Variants in MRPL45 observed in about 807,000 individuals in gnomAD.
MRPL45 encodes the protein mitochondrial ribosomal protein L45.
Under a neutral mutation model 38.1 loss-of-function variants are expected in MRPL45, and 20 were observed. That is an observed-to-expected ratio of 0.53 (90% confidence interval 0.37 to 0.76). The LOEUF (loss-of-function observed/expected upper bound fraction) is 0.76, where lower values mean the gene tolerates loss of function less well. MRPL45 is among the 30% of genes least tolerant of loss of function. The pLI is 0.00. For missense variants in MRPL45, 337 were observed against 395.6 expected (o/e 0.85, Z 1.26); for synonymous variants, 105 against 128.8 (o/e 0.82, Z 1.25).
intron 3 of MRPL45, among the ~76,000 whole-genome samples, chr17:38,300,953 AAAT>A (rs1013160709): frequency 1.3e-5 from 2 of 152,242 alleles, no homozygotes; most frequent in African/African-American, 4.8e-5. Context: ...TCTCAAAAAA[AAAT>A]AATAATAAAA....
intron 4 of MRPL45, among the ~76,000 whole-genome samples, chr17:38,311,428 C>T (rs1464995650): frequency 3.3e-5 from 5 of 152,080 alleles, no homozygotes; most frequent in Admixed American, 3.3e-4. Flanking sequence ...TGGTTCACGC[C>T]TATAATCCCA....
Position 38,307,214 on chromosome 17 carries a change from T to G in MRPL45, c.461+583T>G, listed in dbSNP as rs529466156. ...ACATCCAGCTAATTTTTTTGTATTT[T>G]TAGTAGAGACGGGGTTTCATCATGT... On this transcript the variant is annotated intron_variant, in intron 4 of 7. Transcript: ENST00000613675. 7.2e-5 allele frequency among the ~76,000 whole-genome samples: 11 copies of G among 152,128 alleles called. 1 individual carries two copies. In the South Asian group the frequency reaches 2.1e-3, roughly 29 times the overall value.
chr17:38,297,347 A>G, intron 1 of MRPL45, 98 bp downstream of exon 1: 1 of 1,181,856 alleles, frequency 8.5e-7, no homozygotes, highest in Non-Finnish European at 1.3e-6. Context: ...GAGCTGGGAC[A>G]ATACGAGTCA....
intron 4 of MRPL45, among the ~76,000 whole-genome samples, chr17:38,316,417 C>G (rs2037173414): frequency 6.6e-6 from 1 of 152,020 alleles, no homozygotes; most frequent in Non-Finnish European, 1.5e-5. Context: ...ACTTCTTTGT[C>G]CATGGTTTCC....
chr17:38,322,859 A>G lies in MRPL45; in HGVS notation c.*264A>G, dbSNP rs186947847. 31 of 432,842 alleles carry G rather than the reference A, an allele frequency of 7.2e-5. No individual in the cohort carries two copies. Among genetic ancestry groups the G allele is most frequent in the African/African-American group, 6.1e-4 (31 of 50,464 alleles). 26.8% of individuals were successfully genotyped at this position (432,842 alleles called of 1,614,324 possible). A position where few individuals can be genotyped will look rare whatever the true frequency, so the allele number is the denominator to read the frequency against. ...GATGAAAGACAGTATGTTTCAGAGA[A>G]CATTGGATATCAGTTTTTCCCACAG... is the stretch of plus-strand genomic sequence containing the variant. On this transcript the variant is annotated 3_prime_UTR_variant, in exon 8 of 8. Coordinates refer to ENST00000613675, the MANE Select transcript of MRPL45 (RefSeq NM_032351.6).
intron 5 of MRPL45, 87 bp downstream of exon 5, chr17:38,318,822 CTTTTCTT>C (rs1341546244): frequency 2.8e-4 from 163 of 578,042 alleles, no homozygotes; most frequent in South Asian, 7.9e-4. Flanking sequence ...CTTTTCTTTT[CTTTTCTT>C]TTTTTTTTTT....
intron 4 of MRPL45, among the ~76,000 whole-genome samples, chr17:38,315,330 A>G (rs1421703584): frequency 2.6e-5 from 4 of 152,150 alleles, no homozygotes; most frequent in Non-Finnish European, 5.9e-5. Context: ...TGATAGCTGC[A>G]CTGCAGCCTC....
Position 38,322,445 on chromosome 17 carries a change from A to T in MRPL45, c.835-64A>T, listed in dbSNP as rs1277356052. On this transcript the variant is annotated intron_variant, in intron 7 of 7. Coordinates refer to ENST00000613675, the MANE Select transcript of MRPL45 (RefSeq NM_032351.6). ...GTGGGTGGGTGGGTGGGAGCAAGGG[A>T]TGAAGCTCTTCTGGGTCAGCCATGG... 3 of 1,356,576 alleles carry T rather than the reference A, an allele frequency of 2.2e-6. No individual in the cohort carries two copies. The Admixed American group carries it at 5.8e-5, about 26-fold the overall frequency. The allele number at this position is 1,356,576 out of a possible 1,614,324, so 84.0% of individuals were successfully genotyped here. A position where few individuals can be genotyped will look rare whatever the true frequency, so the allele number is the denominator to read the frequency against.
At chr17:38,319,057 A>G (rs1567718581) in intron 5 of MRPL45, among the ~76,000 whole-genome samples, 2 of 142,418 alleles carry the variant, frequency 1.4e-5, no homozygotes, top group Non-Finnish European at 1.5e-5. Context: ...TTATTTTGAG[A>G]TGGAGTCTCG....
At chr17:38,300,169 C>T (rs1414604784) in intron 3 of MRPL45, among the ~76,000 whole-genome samples, 4 of 152,180 alleles carry the variant, frequency 2.6e-5, no homozygotes, top group African/African-American at 2.4e-5. Context: ...AGACGCATGC[C>T]ACCACGCCCA....
chr17:38,309,538 A>C (rs1323339035), intron 4 of MRPL45, among the ~76,000 whole-genome samples: 2 of 38,736 alleles, frequency 5.2e-5, no homozygotes, highest in East Asian at 2.1e-3. Flanking sequence ...AAAAAAAAAA[A>C]AAAGATTTTT....
chr17:38,297,408 C>G (rs1222856311), intron 1 of MRPL45, among the ~76,000 whole-genome samples, 159 bp downstream of exon 1: 1 of 152,082 alleles, frequency 6.6e-6, no homozygotes, highest in African/African-American at 2.4e-5. Context: ...CTGCGGAGCT[C>G]AGTGGTCGAA....
chr17:38,299,709 T>C (rs1312610456), intron 3 of MRPL45, among the ~76,000 whole-genome samples: 1 of 151,458 alleles, frequency 6.6e-6, no homozygotes, highest in East Asian at 1.9e-4. Flanking sequence ...GACTTTGGAG[T>C]GTATAGGATC....
In MRPL45 at chr17:38,297,257, G is replaced by A. The variant is rs533379181; in HGVS notation, c.66+8G>A. ...GGCTGGTGGTCTCGGCAGGTGGGTA[G>A]GGACGGGGCCGATAGGACCCTAGGG... On this transcript the variant is annotated splice_region_variant and intron_variant, in intron 1 of 7. Coordinates refer to ENST00000613675, the MANE Select transcript of MRPL45 (RefSeq NM_032351.6). The A allele has an allele frequency of 2.5e-6, 4 of 1,613,882 alleles. No homozygotes were observed. In the East Asian group the frequency reaches 6.7e-5, roughly 27 times the overall value.
chr17:38,316,482 C>T (rs1868964793), intron 4 of MRPL45, among the ~76,000 whole-genome samples: 1 of 151,958 alleles, frequency 6.6e-6, no homozygotes, highest in Non-Finnish European at 1.5e-5. Flanking sequence ...CTAATAATTA[C>T]AATGTCTGGG....
chr17:38,317,039 G>A (rs2037181028), intron 4 of MRPL45, among the ~76,000 whole-genome samples: 1 of 152,042 alleles, frequency 6.6e-6, no homozygotes, highest in Non-Finnish European at 1.5e-5. Flanking sequence ...CTCGTGATCT[G>A]CCCACCTTGG....
chr17:38,317,671 A>C (rs555058417), intron 4 of MRPL45, among the ~76,000 whole-genome samples: 17 of 152,038 alleles, frequency 1.1e-4, no homozygotes, highest in Non-Finnish European at 2.5e-4. Flanking sequence ...TCCCGGGTTC[A>C]TGCCATTCTC....
chr17:38,322,264 C>T lies in MRPL45; in HGVS notation c.799C>T (p.Pro267Ser). The T allele has an allele frequency of 6.2e-7, 1 of 1,614,070 alleles. No homozygotes were observed. The highest frequency in any genetic ancestry group is 1.1e-5 in the South Asian group (1 of 91,074). The stretch of plus-strand genomic sequence containing the variant: ...CTGGAGAATGCATACCAAGATCGTT[C>T]CCCCATGGGCACCCCCTAAGCAGCC... ...GSWRMHTKIVPPWAPPKQPIL... is the reference protein window; with the variant it reads ...GSWRMHTKIVSPWAPPKQPIL... Residue 267 changes from proline (P) to serine (S), a missense_variant, in exon 7 of 8, where the codon CCC (proline) becomes TCC (serine). Coordinates refer to ENST00000613675, the MANE Select transcript of MRPL45 (RefSeq NM_032351.6).
At chr17:38,298,834 T>A (rs1481810086) in intron 2 of MRPL45, among the ~76,000 whole-genome samples, 1 of 152,118 alleles carries the variant, frequency 6.6e-6, no homozygotes, top group African/African-American at 2.4e-5. Context: ...GTGAAATTTC[T>A]CCATTTTGTG....
Sources: gnomAD v4.1 joint callset for allele counts (sites outside exome capture counted in the v4.1 genomes callset) on GRCh38, gnomAD v4.1.1 for gene constraint, MANE v1.5 for transcripts, NCBI Gene and HGNC (gene_info 2026-07-23, HGNC 2026-07-21) for gene names.